The following COL24A1 variants were observed in gnomAD, a reference collection of about 807,000 sequenced individuals.
The protein encoded by COL24A1 is collagen alpha-1(XXIV) chain.
Under a neutral mutation model 253.9 loss-of-function variants are expected in COL24A1, and 224 were observed. The ratio of observed to expected loss-of-function variants is 0.88; its 90% CI spans 0.79 to 0.99. The LOEUF is 0.99. Ranked by LOEUF, COL24A1 falls within the 50% of genes least tolerant of loss-of-function variation. COL24A1 has a pLI of 0.00. For missense variants in COL24A1, 2,131 were observed against 2,068.5 expected, an observed-to-expected ratio of 1.03 and a Z score of -0.59; for synonymous variants, 685 against 673.7, an observed-to-expected ratio of 1.02 and a Z score of -0.26.
intron 43 of COL24A1, among the ~76,000 whole-genome samples, chr1:85,827,090 G>A (rs750292927): frequency 5.3e-5 from 8 of 151,988 alleles, no homozygotes; most frequent in African/African-American, 7.2e-5. Context: ...ATTATTTTGA[G>A]ATACGTCCCA....
Position 85,987,641 on chromosome 1 carries a change from T to C in COL24A1, c.2324A>G (p.Asp775Gly). Residue 775 changes from aspartate to glycine, a missense_variant, in exon 20 of 60, where the codon GAT becomes GGT. Coordinates refer to ENST00000370571, the MANE Select transcript of COL24A1 (RefSeq NM_152890.7). ...GPPGPEGFPG[D>G]IGIPGQNGPE... ...GCCGTTTTGTCCAGGAATCCCAATA[T>C]CTCCTGGAAAACCCTAGGGAATATA... 1 of 1,610,336 alleles carries C rather than the reference T, an allele frequency of 6.2e-7. No individual in the cohort carries two copies. Among genetic ancestry groups the C allele is most frequent in the Non-Finnish European group, 8.5e-7 (1 of 1,177,788 alleles).
At chr1:85,796,078 A>G (rs1428822541) in intron 47 of COL24A1, among the ~76,000 whole-genome samples, 1 of 152,228 alleles carries the variant, frequency 6.6e-6, no homozygotes, top group Non-Finnish European at 1.5e-5. Flanking sequence ...GCCAATTGCT[A>G]GAAATAAGAT....
At chr1:86,069,624 A>G (rs1461621905) in intron 7 of COL24A1, among the ~76,000 whole-genome samples, 1 of 151,422 alleles carries the variant, frequency 6.6e-6, no homozygotes, top group African/African-American at 2.4e-5. Flanking sequence ...GGGTGCCTGT[A>G]TCTCCACACC....
chr1:85,953,203 AG>A (rs1180562642), intron 24 of COL24A1, among the ~76,000 whole-genome samples: 3 of 152,234 alleles, frequency 2.0e-5, no homozygotes, highest in African/African-American at 7.2e-5. Context: ...TATGCAAACT[AG>A]CTTCAGGGGA....
chr1:86,131,967 C>T (rs7364497), intron 2 of COL24A1, among the ~76,000 whole-genome samples: 149,357 of 152,264 alleles, frequency 0.98, 73,322 homozygotes, highest in Middle Eastern at 1. Context: ...AACTAGTTTA[C>T]AGTCCCACCA....
intron 5 of COL24A1, among the ~76,000 whole-genome samples, chr1:86,107,092 C>A (rs1705051490): frequency 6.6e-6 from 1 of 152,120 alleles, no homozygotes; most frequent in Admixed American, 6.5e-5. Context: ...AGTTAGGTAA[C>A]CCCACCACTA....
intron 24 of COL24A1, among the ~76,000 whole-genome samples, chr1:85,938,754 G>A (rs766922057): frequency 8.0e-6 from 1 of 124,902 alleles, no homozygotes; most frequent in Non-Finnish European, 1.8e-5. Context: ...TAGTTCCAGA[G>A]AGCCTTCTTG....
intron 5 of COL24A1, among the ~76,000 whole-genome samples, chr1:86,106,236 A>T (rs1307497595): frequency 6.6e-6 from 1 of 152,132 alleles, no homozygotes; most frequent in African/African-American, 2.4e-5. Context: ...GAGACATAGG[A>T]GAAGACAGTC....
chr1:85,927,273 C>T (rs577873647), intron 24 of COL24A1, among the ~76,000 whole-genome samples: 11 of 152,164 alleles, frequency 7.2e-5, no homozygotes, highest in Non-Finnish European at 1.0e-4. Context: ...ACCTGGGAAG[C>T]GCAAGGAGTC....
intron 37 of COL24A1, among the ~76,000 whole-genome samples, chr1:85,852,332 T>G (rs147884476): frequency 1.6e-3 from 239 of 152,346 alleles, no homozygotes; most frequent in Non-Finnish European, 2.8e-3. Context: ...TGGCACTAAC[T>G]AACTTAATTA....
At chr1:86,095,179 C>A (rs1210466265) in intron 5 of COL24A1, among the ~76,000 whole-genome samples, 1 of 151,892 alleles carries the variant, frequency 6.6e-6, no homozygotes, top group African/African-American at 2.4e-5. Flanking sequence ...TTTGAATTTT[C>A]TATCATCTGT....
chr1:86,131,768 A>C (rs1289453705), intron 2 of COL24A1, among the ~76,000 whole-genome samples: 3 of 152,072 alleles, frequency 2.0e-5, no homozygotes, highest in Non-Finnish European at 4.4e-5. Flanking sequence ...TCATTGTTGA[A>C]CATTTGGGTT....
chr1:85,858,506 T>A (rs931225691), intron 37 of COL24A1, among the ~76,000 whole-genome samples: 1 of 152,210 alleles, frequency 6.6e-6, no homozygotes, highest in African/African-American at 2.4e-5. Context: ...TTCTCTATGC[T>A]TAGGTGCCTG....
intron 20 of COL24A1, among the ~76,000 whole-genome samples, chr1:85,984,330 T>A (rs1246835848): frequency 6.6e-6 from 1 of 151,868 alleles, no homozygotes; most frequent in Non-Finnish European, 1.5e-5. Context: ...CAGGAGAGAA[T>A]CTATTGCTCA....
intron 20 of COL24A1, among the ~76,000 whole-genome samples, chr1:85,972,790 G>A (rs607979): frequency 0.76 from 114,838 of 151,408 alleles, 44,473 homozygotes; most frequent in African/African-American, 0.91. Flanking sequence ...ACTGAAGCAC[G>A]TTTCAAACTT....
intron 22 of COL24A1, among the ~76,000 whole-genome samples, chr1:85,969,670 A>G (rs1170648947): frequency 6.6e-6 from 1 of 150,936 alleles, no homozygotes; most frequent in Non-Finnish European, 1.5e-5. Flanking sequence ...TGTCAAGAAA[A>G]GAAATGAGAT....
intron 35 of COL24A1, among the ~76,000 whole-genome samples, chr1:85,870,126 C>A (rs1325835818): frequency 6.6e-6 from 1 of 152,192 alleles, no homozygotes; most frequent in African/African-American, 2.4e-5. Flanking sequence ...GTAAAAGGAT[C>A]AATTCAACAA....
intron 14 of COL24A1, among the ~76,000 whole-genome samples, chr1:86,024,125 C>A (rs1169560866): frequency 6.6e-6 from 1 of 152,028 alleles, no homozygotes; most frequent in Non-Finnish European, 1.5e-5. Context: ...TTACTTCTCC[C>A]TCCCCGAAAT....
chr1:85,765,791 C>T (rs1472496179), intron 53 of COL24A1, among the ~76,000 whole-genome samples: 1 of 151,982 alleles, frequency 6.6e-6, no homozygotes, highest in Non-Finnish European at 1.5e-5. Flanking sequence ...ATCATTTCTG[C>T]TATAAGTTAA....
Sources: allele counts gnomAD v4.1 joint callset (sites outside exome capture counted in the v4.1 genomes callset), GRCh38; gene constraint gnomAD v4.1.1; transcripts MANE v1.5; gene names NCBI Gene and HGNC (gene_info 2026-07-23, HGNC 2026-07-21).